Variants in EIF5 observed in about 807,000 individuals in gnomAD.
EIF5 encodes eukaryotic translation initiation factor 5.
A neutral mutation model predicts 48.3 loss-of-function variants in EIF5; 10 were observed. That is an observed-to-expected ratio of 0.21 (90% CI 0.13 to 0.35). EIF5 has a LOEUF of 0.35. Among genes scored for constraint, EIF5 ranks in the 10% least tolerant of loss-of-function variants. The probability of loss-of-function intolerance (pLI) is 1.00; values close to 1 mark genes in which losing one functional copy is unlikely to be tolerated. For synonymous variants in EIF5, 237 were observed against 173.1 expected, an observed-to-expected ratio of 1.37 and a Z score of -2.90; for missense variants, 397 against 533.2, an observed-to-expected ratio of 0.74 and a Z score of 2.51.
chr14:103,339,647 C>A lies in EIF5; in HGVS notation c.915C>A (p.His305Gln). The A allele has an allele frequency of 6.2e-7, 1 of 1,614,140 alleles. No individual in the cohort carries two copies. Among genetic ancestry groups the A allele is most frequent in the Non-Finnish European group, 8.5e-7 (1 of 1,180,008 alleles). Reference protein sequence around the residue: ...KYRRHFLRFCHNNKKAQRYLL... With the variant: ...KYRRHFLRFCQNNKKAQRYLL... Reference sequence around the variant, plus strand: ...AAGGTGTCTATTTGCAGTTTTGTCACAACAACAAAAAAGCCCAACGGTACC... The same window carrying A: ...AAGGTGTCTATTTGCAGTTTTGTCAAAACAACAAAAAAGCCCAACGGTACC... Residue 305 changes from histidine to glutamine, a missense_variant, in exon 10 of 12, where the codon CAC becomes CAA. This residue lies in a region of EIF5 where 160 missense variants were observed against 184.8 expected (regional missense o/e 0.87). Transcript: ENST00000216554.
intron 9 of EIF5, 141 bp downstream of exon 9, chr14:103,339,474 G>A (rs2140361666): frequency 9.3e-6 from 13 of 1,401,134 alleles, no homozygotes; most frequent in Non-Finnish European, 1.3e-5. Flanking sequence ...GTATCTGAAA[G>A]TGCCATACCT....
In EIF5 at chr14:103,339,569, A is replaced by C; in HGVS notation, c.907-70A>C. 8 of 1,603,962 alleles carry C rather than the reference A, an allele frequency of 5.0e-6. No individual in the cohort carries two copies. In the South Asian group the frequency reaches 8.8e-5, roughly 18 times the overall value. ...GGGCCATGCACTTGCAGACACTCTT[A>C]TTTGGGTAATAGAGTTGTCAACTTA... On this transcript the variant is annotated intron_variant, in intron 9 of 11. Transcript: ENST00000216554.
rs771628415 is a variant in EIF5 at position 103,344,990 on chromosome 14, G to C, written c.*3938G>C. On this transcript the variant is annotated 3_prime_UTR_variant, in exon 12 of 12. Transcript: ENST00000216554. ...GTAGCTCTTTGAATCTCAGAAAAAA[G>C]TAGATTTTAATAAAGTGTGAAAGTT... 1 of 151,932 alleles carries C rather than the reference G, an allele frequency of 6.6e-6. No individual in the cohort carries two copies. Among genetic ancestry groups the C allele is most frequent in the Non-Finnish European group, 1.5e-5 (1 of 68,024 alleles). The allele number at this position is 151,932 out of a possible 1,614,324, so 9.4% of individuals were successfully genotyped here.
At position 103,337,308 on chromosome 14, in the gene EIF5, T is replaced by G. The variant is rs117392997; in HGVS notation, c.439+81T>G. Reference sequence around the variant, plus strand: ...AACAAAATAGAAGGTTTTTTTGTAATAGGAATGTAAGGGAGACTGGGCACG... The same window carrying G: ...AACAAAATAGAAGGTTTTTTTGTAAGAGGAATGTAAGGGAGACTGGGCACG... On this transcript the variant is annotated intron_variant, in intron 6 of 11. Transcript: ENST00000216554. 30,433 of 1,263,802 alleles carry G rather than the reference T, an allele frequency of 0.024. 453 individuals are homozygous for G. The highest frequency in any genetic ancestry group is 0.031 in the Non-Finnish European group (27,597 of 900,406). The allele number at this position is 1,263,802 out of a possible 1,614,324, so 78.3% of individuals were successfully genotyped here. A position where few individuals can be genotyped will look rare whatever the true frequency, so the allele number is the denominator to read the frequency against.
chr14:103,342,149 T>A lies in EIF5; in HGVS notation c.*1097T>A, dbSNP rs1335602117. ...GATTTTCTTTCCTTTTTCTTTTTTT[T>A]TTCTTCCAGAATGTCTTATTTAAAA... On this transcript the variant is annotated 3_prime_UTR_variant, in exon 12 of 12. Coordinates refer to ENST00000216554, the MANE Select transcript of EIF5 (RefSeq NM_001969.5). 1 of 152,634 alleles carries A rather than the reference T, an allele frequency of 6.6e-6. No individual in the cohort carries two copies. The highest frequency in any genetic ancestry group is 1.5e-5 in the Non-Finnish European group (1 of 68,034). 9.5% of individuals were successfully genotyped at this position (152,634 alleles called of 1,614,324 possible). A position where few individuals can be genotyped will look rare whatever the true frequency, so the allele number is the denominator to read the frequency against.
In EIF5 at chr14:103,338,910, G is replaced by A; in HGVS notation, c.744+17G>A. On this transcript the variant is annotated intron_variant, in intron 8 of 11. Transcript: ENST00000216554. ...TTTGTTAAGGTAAAACATTTGCTTGGTCTGTAAATCAGCTTCAACCCAGCC... is the reference window on the plus strand; with the variant it reads ...TTTGTTAAGGTAAAACATTTGCTTGATCTGTAAATCAGCTTCAACCCAGCC... 1 of 1,611,066 alleles carries A rather than the reference G, an allele frequency of 6.2e-7. No homozygotes were observed.
In EIF5 at chr14:103,342,859, TC is replaced by T. The variant is rs1396180775; in HGVS notation, c.*1808del. 23 of 152,648 alleles carry T rather than the reference TC, an allele frequency of 1.5e-4. No individual in the cohort carries two copies. The highest frequency in any genetic ancestry group is 1.4e-3 in the Admixed American group (21 of 15,274). The allele number at this position is 152,648 out of a possible 1,614,324, so 9.5% of individuals were successfully genotyped here. A position where few individuals can be genotyped will look rare whatever the true frequency, so the allele number is the denominator to read the frequency against. Reference sequence around the variant, plus strand: ...CTGATCTGCTTTCATTAACTGGAATTCTGTAGGAGATACTGGTGACCTAAGC... The same window carrying T: ...CTGATCTGCTTTCATTAACTGGAATTTGTAGGAGATACTGGTGACCTAAGC... On this transcript the variant is annotated 3_prime_UTR_variant, in exon 12 of 12. Transcript: ENST00000216554.
intron 8 of EIF5, 38 bp from the exon 9 acceptor site, chr14:103,339,134 G>T: frequency 6.3e-7 from 1 of 1,576,474 alleles, no homozygotes. Flanking sequence ...GGCAAAGTGT[G>T]CCTCCATTGC....
At chr14:103,340,268 C>A in intron 10 of EIF5, 159 bp from the exon 11 acceptor site, 1 of 740,962 alleles carries the variant, frequency 1.3e-6, no homozygotes, top group Non-Finnish European at 2.3e-6. Context: ...GTAGTCATAA[C>A]AGACTGCTGA....
intron 11 of EIF5, among the ~76,000 whole-genome samples, 171 bp from the exon 12 acceptor site, chr14:103,340,792 T>C (rs1449685947): frequency 1.3e-5 from 2 of 152,226 alleles, no homozygotes; most frequent in Non-Finnish European, 2.9e-5. Flanking sequence ...AAAATGCTCT[T>C]AGACTGGAGC....
At chr14:103,338,022 G>A in intron 6 of EIF5, 1 of 571,134 alleles carries the variant, frequency 1.8e-6, no homozygotes. Context: ...CTTTGTTCAT[G>A]AGGGATGACA....
chr14:103,340,893 C>T, intron 11 of EIF5, 70 bp from the exon 12 acceptor site: 1 of 1,511,350 alleles, frequency 6.6e-7, no homozygotes, highest in East Asian at 2.3e-5. Flanking sequence ...TCTGTGACCA[C>T]AATTTACATT....
intron 8 of EIF5, 134 bp downstream of exon 8, chr14:103,339,027 T>G: frequency 2.0e-6 from 3 of 1,475,862 alleles, no homozygotes; most frequent in Non-Finnish European, 2.7e-6. Context: ...ATTTAAATAT[T>G]TTTTGCGCGT....
intron 6 of EIF5, chr14:103,337,856 A>G (rs1186555532): frequency 9.7e-6 from 5 of 517,936 alleles, no homozygotes; most frequent in Middle Eastern, 4.4e-4. Flanking sequence ...TGCAAGCAAC[A>G]CTCTGTGGCA....
At position 103,341,471 on chromosome 14, in the gene EIF5, C is replaced by G. The variant is rs2089351859; in HGVS notation, c.*419C>G. 6.1e-6 allele frequency: 1 copy of G among 164,588 alleles called. No individual in the cohort carries two copies. Among genetic ancestry groups the G allele is most frequent in the Non-Finnish European group, 1.3e-5 (1 of 74,424 alleles). 10.2% of individuals were successfully genotyped at this position (164,588 alleles called of 1,614,324 possible). A position where few individuals can be genotyped will look rare whatever the true frequency, so the allele number is the denominator to read the frequency against. ...TGGAGCCTGCCAGATATTGTTAGGT[C>G]CTGGGGCTGCAAAGAGGTCCTCAAC... is the stretch of plus-strand genomic sequence containing the variant. On this transcript the variant is annotated 3_prime_UTR_variant, in exon 12 of 12. Coordinates refer to ENST00000216554, the MANE Select transcript of EIF5 (RefSeq NM_001969.5).
At position 103,336,906 on chromosome 14, in the gene EIF5, G is replaced by A. The variant is rs572166963; in HGVS notation, c.327+57G>A. 1.7e-5 allele frequency: 26 copies of A among 1,536,776 alleles called. 2 individuals carry two copies. Among genetic ancestry groups the A allele is most frequent in the South Asian group, 1.2e-4 (10 of 80,666 alleles). ...GCCATATACCTGCTTCTGTGATACC[G>A]CTAAGTCACCTTCCTGAGAAGGCAG... On this transcript the variant is annotated intron_variant, in intron 5 of 11. Coordinates refer to ENST00000216554, the MANE Select transcript of EIF5 (RefSeq NM_001969.5).
At chr14:103,339,902 A>T in intron 10 of EIF5, 99 bp downstream of exon 10, 1 of 1,351,992 alleles carries the variant, frequency 7.4e-7, no homozygotes, top group Non-Finnish European at 1.0e-6. Flanking sequence ...TCTGTTGTCC[A>T]GGCAGGAGTA....
rs2089282446 is a variant in EIF5 at position 103,336,137 on chromosome 14, G to GTT, written c.154+21_154+22insTT. ...CAACGTGTAAGTAAAGCTTGGAAAA[G>GTT]TCCACAGGGCATATTATGGATAGAG... On this transcript the variant is annotated intron_variant, in intron 4 of 11. Coordinates refer to ENST00000216554, the MANE Select transcript of EIF5 (RefSeq NM_001969.5). The GTT allele has an allele frequency of 6.2e-7, 1 of 1,612,050 alleles. No homozygotes were observed. The highest frequency in any genetic ancestry group is 1.7e-5 in the Admixed American group (1 of 59,900).
intron 11 of EIF5, 82 bp from the exon 12 acceptor site, chr14:103,340,881 C>A: frequency 7.1e-7 from 1 of 1,416,022 alleles, no homozygotes; most frequent in Non-Finnish European, 9.9e-7. Context: ...GCAGTTTCCT[C>A]CTCTGTGACC....
Sources: gnomAD v4.1 joint callset for allele counts (sites outside exome capture counted in the v4.1 genomes callset) on GRCh38, gnomAD v4.1.1 for gene constraint, gnomAD v4.1.1 regional missense constraint, MANE v1.5 for transcripts, NCBI Gene and HGNC (gene_info 2026-07-23, HGNC 2026-07-21) for gene names.